The following ITGAM variants were observed in gnomAD, a reference collection of about 807,000 sequenced individuals.
ITGAM encodes integrin subunit alpha M.
In ITGAM, 79 loss-of-function variants were observed where a neutral mutation model predicts 137.5. The observed-to-expected ratio is 0.57, with a 90% CI of 0.48 to 0.69. ITGAM has a LOEUF of 0.69. Ranked by LOEUF, ITGAM falls within the 30% of genes least tolerant of loss-of-function variation. The pLI, the probability that ITGAM is intolerant of heterozygous loss-of-function variation, is 0.00. For synonymous variants in ITGAM, 583 were observed against 592.3 expected (o/e 0.98, Z 0.23); for missense variants, 1,343 against 1,483.5 (o/e 0.91, Z 1.56).
At position 31,275,529 on chromosome 16, in the gene ITGAM, C is replaced by T. The variant is rs2079896841; in HGVS notation, c.859-20C>T. The T allele has an allele frequency of 2.5e-6, 4 of 1,612,832 alleles. No individual in the cohort carries two copies. The highest frequency in any genetic ancestry group is 3.4e-6 in the Non-Finnish European group (4 of 1,179,084). ...TTGCTAGCCTCACACCATGATTTAG[C>T]CTCTGTTCCTTGGTAACAGGTGGGA... is the stretch of plus-strand genomic sequence containing the variant. On this transcript the variant is annotated intron_variant, in intron 8 of 29. Coordinates refer to ENST00000544665, the MANE Select transcript of ITGAM (RefSeq NM_000632.4).
Position 31,271,910 on chromosome 16 carries a change from A to C in ITGAM, c.622A>C (p.Asn208His). The change falls in exon 7 of 30, where the codon AAC (asparagine) becomes CAC (histidine). Residue 208 changes from asparagine to histidine, a missense_variant. Coordinates refer to ENST00000544665, the MANE Select transcript of ITGAM (RefSeq NM_000632.4). ...IHFTFKEFQNNPNPRSLVKPI... is the reference protein window; with the variant it reads ...IHFTFKEFQNHPNPRSLVKPI... ...CTTTACCTTCAAAGAGTTCCAGAAC[A>C]ACCCTAACCCAAGATCACTGGTGAA... is the stretch of plus-strand genomic sequence containing the variant. 6.2e-7 allele frequency: 1 copy of C among 1,614,018 alleles called. No homozygotes were observed. Among genetic ancestry groups the C allele is most frequent in the Non-Finnish European group, 8.5e-7 (1 of 1,179,892 alleles).
intron 5 of ITGAM, among the ~76,000 whole-genome samples, chr16:31,270,626 C>T (rs976313882): frequency 6.8e-6 from 1 of 147,216 alleles, no homozygotes; most frequent in Non-Finnish European, 1.5e-5. Context: ...TGATCCCCCA[C>T]CCTCAGCCTC....
Position 31,321,253 on chromosome 16 carries a change from T to C in ITGAM, c.1720T>C (p.Ser574Pro). 6.2e-7 allele frequency: 1 copy of C among 1,613,902 alleles called. No individual in the cohort carries two copies. The highest frequency in any genetic ancestry group is 1.3e-5 in the African/African-American group (1 of 75,024). The change falls in exon 15 of 30, where the codon TCC becomes CCC. Residue 574 changes from serine (S) to proline (P), a missense_variant. Transcript: ENST00000544665. ...SPSHSQRIAG[S>P]KLSPRLQYFG... Reference sequence around the variant, plus strand: ...TTTTTACCCTCAGCGGATAGCAGGCTCCAAGCTCTCTCCCAGGCTCCAGTA... The same window carrying C: ...TTTTTACCCTCAGCGGATAGCAGGCCCCAAGCTCTCTCCCAGGCTCCAGTA...
intron 2 of ITGAM, among the ~76,000 whole-genome samples, chr16:31,263,099 G>T (rs1275241410): frequency 6.6e-6 from 1 of 152,038 alleles, no homozygotes; most frequent in South Asian, 2.1e-4. Flanking sequence ...CTGCCACCAC[G>T]CCTGGCTAAT....
At position 31,297,663 on chromosome 16, in the gene ITGAM, C is replaced by T; in HGVS notation, c.1497+9C>T. On this transcript the variant is annotated intron_variant, in intron 13 of 29. Transcript: ENST00000544665. The stretch of plus-strand genomic sequence containing the variant: ...GCCCCTTGCCCAGGGGGGTGAGTGG[C>T]AATGGGACCTGGGCTGGGTGGGGCC... 6.2e-7 allele frequency: 1 copy of T among 1,611,732 alleles called. No homozygotes were observed. The highest frequency in any genetic ancestry group is 8.5e-7 in the Non-Finnish European group (1 of 1,179,182).
At chr16:31,326,093 AAT>A (rs147598456) in intron 21 of ITGAM, among the ~76,000 whole-genome samples, 1,889 of 152,194 alleles carry the variant, frequency 0.012, 37 homozygotes, top group African/African-American at 0.043. Flanking sequence ...AATAAAATAA[AAT>A]AAAGTATACA....
At chr16:31,308,691 T>C (rs1227779754) in intron 14 of ITGAM, among the ~76,000 whole-genome samples, 10 of 152,270 alleles carry the variant, frequency 6.6e-5, no homozygotes, top group Admixed American at 6.5e-4. Flanking sequence ...TGCCTTCTGC[T>C]AGCTTTTGAA....
chr16:31,331,364 C>CA, intron 29 of ITGAM, 89 bp downstream of exon 29: 1 of 820,060 alleles, frequency 1.2e-6, no homozygotes, highest in South Asian at 1.5e-5. Context: ...GCGGGGCTGC[C>CA]AGCTGTGTGA....
In ITGAM at chr16:31,313,692, T is replaced by C. The variant is rs569830817; in HGVS notation, c.1708-7549T>C. On this transcript the variant is annotated intron_variant, in intron 14 of 29. Coordinates refer to ENST00000544665, the MANE Select transcript of ITGAM (RefSeq NM_000632.4). ...TAAATAGTGCTTCAGTAAAAATACA[T>C]GTGCATGTGTCTTTATAGTAGAATG... Among the ~76,000 whole-genome samples, 535 of 152,330 alleles carry C rather than the reference T, an allele frequency of 3.5e-3. 6 individuals carry two copies. The highest frequency in any genetic ancestry group is 0.012 in the African/African-American group (509 of 41,576).
Position 31,265,900 on chromosome 16 carries a change from G to A in ITGAM, c.309+19G>A. 1 of 1,612,704 alleles carries A rather than the reference G, an allele frequency of 6.2e-7. No individual in the cohort carries two copies. Among genetic ancestry groups the A allele is most frequent in the Non-Finnish European group, 8.5e-7 (1 of 1,179,504 alleles). ...GCTGCTGGTGAGTGGGGCTCGATCA[G>A]AGGAGCATCCTAATGGGGGTGTTTG... On this transcript the variant is annotated intron_variant, in intron 4 of 29. Transcript: ENST00000544665.
chr16:31,307,906 C>T (rs1414415606), intron 14 of ITGAM, among the ~76,000 whole-genome samples: 1 of 152,158 alleles, frequency 6.6e-6, no homozygotes, highest in Admixed American at 6.5e-5. Context: ...TTGAGATAAT[C>T]ATGCGGTTTT....
Position 31,325,655 on chromosome 16 carries a change from C to T in ITGAM, c.2628+33C>T, listed in dbSNP as rs759264732. On this transcript the variant is annotated intron_variant, in intron 21 of 29. Coordinates refer to ENST00000544665, the MANE Select transcript of ITGAM (RefSeq NM_000632.4). ...CTCCTGGCTCCTCCCCTCCTTTTCT[C>T]TTTGATTTCTTTGGGGATTCTTTTC... is the stretch of plus-strand genomic sequence containing the variant. 1.1e-5 allele frequency: 17 copies of T among 1,592,130 alleles called. No individual in the cohort carries two copies. The South Asian group carries it at 1.8e-4, about 17-fold the overall frequency.
intron 12 of ITGAM, among the ~76,000 whole-genome samples, chr16:31,285,105 G>A (rs543512741): frequency 3.9e-5 from 6 of 152,028 alleles, no homozygotes; most frequent in East Asian, 3.9e-4. Flanking sequence ...GGTCGTGATC[G>A]ATTGAGCAAG....
At chr16:31,331,510 T>TGCC in intron 29 of ITGAM, 126 bp from the exon 30 acceptor site, 32 of 600,670 alleles carry the variant, frequency 5.3e-5, no homozygotes, top group Middle Eastern at 4.6e-4. Flanking sequence ...CGGATGTCAC[T>TGCC]CCCCTCCCGC....
chr16:31,310,484 C>G (rs1216847030), intron 14 of ITGAM, among the ~76,000 whole-genome samples: 1 of 152,144 alleles, frequency 6.6e-6, no homozygotes, highest in Non-Finnish European at 1.5e-5. Context: ...CAGTTGATCG[C>G]GTCAGTTACT....
intron 23 of ITGAM, 155 bp from the exon 24 acceptor site, chr16:31,329,073 T>TCTCCCCC: frequency 7.0e-6 from 3 of 426,234 alleles, no homozygotes; most frequent in South Asian, 4.3e-5. Flanking sequence ...ACACATTGGT[T>TCTCCCCC]CCCCCATCCC....
chr16:31,316,281 G>A lies in ITGAM; in HGVS notation c.1708-4960G>A, dbSNP rs374253286. ...TGGGCACCTGTAGTTCCAGCTACTC[G>A]GGAGGCTGAGGCAGGAGAATGGGGG... On this transcript the variant is annotated intron_variant, in intron 14 of 29. Coordinates refer to ENST00000544665, the MANE Select transcript of ITGAM (RefSeq NM_000632.4). Among the ~76,000 whole-genome samples the A allele has an allele frequency of 1.4e-4, 20 of 148,038 alleles. 1 individual carries two copies. Among genetic ancestry groups the A allele is most frequent in the African/African-American group, 3.2e-4 (13 of 40,134 alleles).
At chr16:31,289,807 C>T (rs1223715336) in intron 12 of ITGAM, among the ~76,000 whole-genome samples, 1 of 152,064 alleles carries the variant, frequency 6.6e-6, no homozygotes, top group East Asian at 1.9e-4. Flanking sequence ...ACTGGCCGGG[C>T]CCAGTGGCTC....
At chr16:31,281,575 T>G (rs1422133152) in intron 12 of ITGAM, among the ~76,000 whole-genome samples, 1 of 152,236 alleles carries the variant, frequency 6.6e-6, no homozygotes, top group African/African-American at 2.4e-5. Context: ...ATCCCCTTTC[T>G]CATTTTGTAT....
Sources: allele counts gnomAD v4.1 joint callset (sites outside exome capture counted in the v4.1 genomes callset), GRCh38; gene constraint gnomAD v4.1.1; transcripts MANE v1.5; gene names NCBI Gene and HGNC (gene_info 2026-07-23, HGNC 2026-07-21).